Variants in PTPRT observed in about 807,000 individuals in gnomAD.
PTPRT encodes the protein receptor-type tyrosine-protein phosphatase T.
PTPRT carries 56 observed loss-of-function variants against 176.8 expected under a neutral mutation model. The ratio of observed to expected loss-of-function variants is 0.32; its 90% CI spans 0.26 to 0.40. The LOEUF (loss-of-function observed/expected upper bound fraction) is 0.40. Among genes scored for constraint, PTPRT ranks in the 10% least tolerant of loss-of-function variants. PTPRT has a pLI of 1.00. For synonymous variants in PTPRT, 783 were observed against 739.0 expected (o/e 1.06, Z -0.96); for missense variants, 1,540 against 1,908.2 (o/e 0.81, Z 3.60).
intron 1 of PTPRT, among the ~76,000 whole-genome samples, chr20:43,048,125 A>C (rs2146226356): frequency 6.6e-6 from 1 of 152,350 alleles, no homozygotes; most frequent in African/African-American, 2.4e-5. Flanking sequence ...GAATGCATAA[A>C]GATCCACTTC....
intron 17 of PTPRT, among the ~76,000 whole-genome samples, chr20:42,142,590 C>T (rs1355445614): frequency 2.0e-5 from 3 of 151,836 alleles, no homozygotes; most frequent in Admixed American, 6.5e-5. Context: ...GTTCAAAGAC[C>T]CCCCAGTGGG....
intron 15 of PTPRT, among the ~76,000 whole-genome samples, chr20:42,223,562 C>T (rs2055935646): frequency 6.6e-6 from 1 of 152,192 alleles, no homozygotes; most frequent in Non-Finnish European, 1.5e-5. Flanking sequence ...CAAATTGCCC[C>T]TTGCCTACAT....
At chr20:43,111,292 C>A (rs2012851884) in intron 1 of PTPRT, among the ~76,000 whole-genome samples, 1 of 152,052 alleles carries the variant, frequency 6.6e-6, no homozygotes. Context: ...GTAATCCAAG[C>A]ACTTTGGGAG....
At chr20:42,555,358 A>C (rs753242743) in intron 7 of PTPRT, among the ~76,000 whole-genome samples, 2 of 152,212 alleles carry the variant, frequency 1.3e-5, no homozygotes, top group Non-Finnish European at 2.9e-5. Flanking sequence ...CATGGAGCTG[A>C]CAGTCTAGGG....
intron 9 of PTPRT, among the ~76,000 whole-genome samples, chr20:42,442,333 G>C (rs923210223): frequency 6.6e-6 from 1 of 152,126 alleles, no homozygotes; most frequent in South Asian, 2.1e-4. Flanking sequence ...CCAACCATCT[G>C]TGTGCTGAAA....
chr20:42,472,372 G>C lies in PTPRT; in HGVS notation c.1344C>G (p.Thr448=), dbSNP rs758760903. The C allele has an allele frequency of 1.2e-6, 2 of 1,614,212 alleles. No individual in the cohort carries two copies. Among genetic ancestry groups the C allele is most frequent in the Admixed American group, 3.3e-5 (2 of 60,034 alleles). ...EEVIQTSSHY[T]LRGLRPFMTI... is the part of the protein sequence containing the mutation. ...TCATGAAGGGGCGCAGGCCTCGCAGGGTGTAGTGGGAGGAGGTCTGGATGA... is the reference window on the plus strand; with the variant it reads ...TCATGAAGGGGCGCAGGCCTCGCAGCGTGTAGTGGGAGGAGGTCTGGATGA... The change falls in exon 8 of 31, where the codon ACC becomes ACG. Residue 448 remains threonine, a synonymous_variant. Coordinates refer to ENST00000373187, the MANE Select transcript of PTPRT (RefSeq NM_007050.6).
intron 7 of PTPRT, among the ~76,000 whole-genome samples, chr20:42,581,676 G>C (rs1003009534): frequency 2.6e-5 from 4 of 152,154 alleles, no homozygotes; most frequent in Non-Finnish European, 4.4e-5. Context: ...CATAGAGAAG[G>C]AAATAAAACA....
chr20:42,670,899 T>TGTTTTTGAGATGAGGA (rs930544742), intron 7 of PTPRT, among the ~76,000 whole-genome samples: 1 of 152,204 alleles, frequency 6.6e-6, no homozygotes, highest in African/African-American at 2.4e-5. Context: ...GCTGAAGACC[T>TGTTTTTGAGATGAGGA]GTTTTTGAGA....
intron 7 of PTPRT, among the ~76,000 whole-genome samples, chr20:42,565,126 A>G (rs1390736662): frequency 1.3e-5 from 2 of 152,040 alleles, no homozygotes; most frequent in Non-Finnish European, 2.9e-5. Context: ...CCCGAGAAGA[A>G]GGGGGCCTGA....
chr20:42,614,183 T>G (rs1327123898), intron 7 of PTPRT, among the ~76,000 whole-genome samples: 1 of 152,138 alleles, frequency 6.6e-6, no homozygotes, highest in Non-Finnish European at 1.5e-5. Flanking sequence ...CACCCTGATC[T>G]CTGCATTCAA....
chr20:42,371,173 G>A (rs549984776), intron 9 of PTPRT, among the ~76,000 whole-genome samples: 3 of 152,340 alleles, frequency 2.0e-5, no homozygotes, highest in Non-Finnish European at 2.9e-5. Flanking sequence ...CAGCCCCATA[G>A]GGCAGTGGTT....
intron 15 of PTPRT, among the ~76,000 whole-genome samples, chr20:42,210,970 A>G (rs1439207508): frequency 4.0e-5 from 6 of 151,860 alleles, no homozygotes; most frequent in Non-Finnish European, 8.8e-5. Flanking sequence ...GGAACAGAAC[A>G]GAGCCCTCAG....
chr20:42,067,686 G>C, the PTPRT span, among the ~76,000 whole-genome samples: 1 of 152,112 alleles, frequency 6.6e-6, no homozygotes, highest in African/African-American at 2.4e-5. Flanking sequence ...GATGAGCTTA[G>C]GACATGAGTA....
chr20:42,936,216 G>T (rs375750635), intron 1 of PTPRT, among the ~76,000 whole-genome samples: 6 of 152,220 alleles, frequency 3.9e-5, no homozygotes, highest in Admixed American at 1.3e-4. Context: ...GGGAAGGGGT[G>T]GGGGCACAGG....
chr20:42,250,055 C>A (rs1159900536), intron 13 of PTPRT, among the ~76,000 whole-genome samples: 1 of 152,206 alleles, frequency 6.6e-6, no homozygotes, highest in African/African-American at 2.4e-5. Context: ...TGAGCCTGTG[C>A]CCCTGGGAGA....
chr20:42,640,499 G>A (rs764425255), intron 7 of PTPRT, among the ~76,000 whole-genome samples: 36 of 151,932 alleles, frequency 2.4e-4, no homozygotes, highest in Non-Finnish European at 4.6e-4. Flanking sequence ...AGTGATTCTC[G>A]TGCCTCAGGT....
At chr20:43,116,987 G>C (rs777723642) in intron 1 of PTPRT, among the ~76,000 whole-genome samples, 7 of 152,086 alleles carry the variant, frequency 4.6e-5, no homozygotes, top group Non-Finnish European at 1.0e-4. Flanking sequence ...GGCTTAGCTG[G>C]GCTTAACTTG....
intron 6 of PTPRT, among the ~76,000 whole-genome samples, chr20:42,721,876 T>C (rs1468905635): frequency 6.6e-6 from 1 of 152,192 alleles, no homozygotes; most frequent in African/African-American, 2.4e-5. Context: ...AAAATGCCAT[T>C]TAGTGATAAC....
chr20:42,168,161 TGAGGAGGAGGAG>T (rs34120918), intron 16 of PTPRT, among the ~76,000 whole-genome samples: 3 of 151,106 alleles, frequency 2.0e-5, no homozygotes, highest in Non-Finnish European at 4.4e-5. Flanking sequence ...TTGAGTAGAC[TGAGGAGGAGGAG>T]GAGGAGGAGG....
Sources: allele counts gnomAD v4.1 joint callset (sites outside exome capture counted in the v4.1 genomes callset), GRCh38; gene constraint gnomAD v4.1.1; transcripts MANE v1.5; gene names NCBI Gene and HGNC (gene_info 2026-07-23, HGNC 2026-07-21).